The following HDAC8 variants were observed in gnomAD, a reference collection of about 807,000 sequenced individuals.
HDAC8 encodes histone deacetylase 8, also known as histone deacetylase-like 1.
In HDAC8, 1 loss-of-function variant was observed where a neutral mutation model predicts 32.2. That is an observed-to-expected ratio of 0.03 (90% CI 0.01 to 0.15). The LOEUF (loss-of-function observed/expected upper bound fraction) is 0.15, where lower values mean the gene tolerates loss of function less well. HDAC8 is among the 10% of genes least tolerant of loss of function. The pLI, the probability that HDAC8 is intolerant of heterozygous loss-of-function variation, is 1.00. For synonymous variants in HDAC8, 108 were observed against 113.9 expected (o/e 0.95, Z 0.33); for missense variants, 117 against 300.0 (o/e 0.39, Z 4.51).
chrX:72,347,449 C>T (rs2044061741), intron 10 of HDAC8, among the ~76,000 whole-genome samples: 1 of 111,763 alleles, frequency 8.9e-6, no homozygotes, highest in African/African-American at 3.3e-5. Context: ...GTGTTGAAAC[C>T]TCCAGTTACA....
At chrX:72,349,699 C>T (rs782347234) in intron 10 of HDAC8, among the ~76,000 whole-genome samples, 23 of 111,961 alleles carry the variant, frequency 2.1e-4, no homozygotes, top group African/African-American at 7.1e-4. Context: ...TACCTTTCCT[C>T]GTTCTCTTCC....
intron 10 of HDAC8, among the ~76,000 whole-genome samples, chrX:72,342,352 C>A (rs1056556152): frequency 9.8e-5 from 11 of 112,375 alleles, no homozygotes; most frequent in African/African-American, 3.6e-4. Flanking sequence ...GCAGCAGCTG[C>A]CCCTCAGTGG....
At chrX:72,440,616 G>A (rs931556045) in intron 9 of HDAC8, among the ~76,000 whole-genome samples, 3 of 112,072 alleles carry the variant, frequency 2.7e-5, no homozygotes, top group African/African-American at 9.7e-5. Flanking sequence ...GCAGAAGACG[G>A]GTGATTTCTG....
At chrX:72,560,001 C>T (rs1385242274) in intron 4 of HDAC8, among the ~76,000 whole-genome samples, 2 of 111,305 alleles carry the variant, frequency 1.8e-5, no homozygotes, top group African/African-American at 3.3e-5. Flanking sequence ...CGCCTCTGCC[C>T]GGCCGCCCCG....
intron 9 of HDAC8, among the ~76,000 whole-genome samples, chrX:72,430,348 A>AT (rs1391198666): frequency 8.9e-6 from 1 of 112,145 alleles, no homozygotes; most frequent in Non-Finnish European, 1.9e-5. Flanking sequence ...ATCACAAGTC[A>AT]TTTTCCTTAA....
At chrX:72,370,669 TTATTAAG>T (rs1446392125) in intron 9 of HDAC8, among the ~76,000 whole-genome samples, 1 of 111,874 alleles carries the variant, frequency 8.9e-6, no homozygotes, top group Non-Finnish European at 1.9e-5. Flanking sequence ...AAAGGGGAGT[TTATTAAG>T]TATTAACTCA....
At chrX:72,488,262 G>T (rs1556007160) in intron 7 of HDAC8, among the ~76,000 whole-genome samples, 1 of 110,915 alleles carries the variant, frequency 9.0e-6, no homozygotes, top group Admixed American at 9.6e-5. Flanking sequence ...ATGTTGACTG[G>T]CTGACTTCTA....
At chrX:72,363,522 T>C (rs1555953300) in intron 9 of HDAC8, among the ~76,000 whole-genome samples, 1 of 111,091 alleles carries the variant, frequency 9.0e-6, no homozygotes, top group African/African-American at 3.3e-5. Flanking sequence ...CACCTTGACC[T>C]CCTCATTTCT....
intron 4 of HDAC8, among the ~76,000 whole-genome samples, chrX:72,558,746 C>T (rs1346314966): frequency 3.6e-5 from 4 of 110,288 alleles, no homozygotes; most frequent in African/African-American, 1.3e-4. Flanking sequence ...TCAGAGCAAT[C>T]AGACAAGAGA....
In HDAC8 at chrX:72,464,543, C is replaced by A. The variant is rs1555993080; in HGVS notation, c.910+16G>T. On this transcript the variant is annotated intron_variant, in intron 8 of 10. Transcript: ENST00000373573. ...AGGAAGGTCAACAAATTCTGGTAAC[C>A]TTCCTTTATACTCACCTCCTCCCAA... 1 of 1,189,192 alleles carries A rather than the reference C, an allele frequency of 8.4e-7. No individual in the cohort carries two copies. The highest frequency in any genetic ancestry group is 2.2e-5 in the Admixed American group (1 of 45,644).
At chrX:72,520,827 A>T (rs1168350607) in intron 4 of HDAC8, among the ~76,000 whole-genome samples, 1 of 112,276 alleles carries the variant, frequency 8.9e-6, no homozygotes, top group Non-Finnish European at 1.9e-5. Flanking sequence ...TTTCATGATA[A>T]TGGCTTTCTG....
chrX:72,569,327 G>A (rs1231367736), intron 2 of HDAC8, among the ~76,000 whole-genome samples: 2 of 111,646 alleles, frequency 1.8e-5, no homozygotes, highest in Admixed American at 1.9e-4. Flanking sequence ...TGAATTTGGA[G>A]TCAGATTTGG....
intron 9 of HDAC8, among the ~76,000 whole-genome samples, chrX:72,412,552 G>T (rs1931883661): frequency 9.0e-6 from 1 of 111,473 alleles, no homozygotes; most frequent in African/African-American, 3.3e-5. Flanking sequence ...ATATCCTACA[G>T]GCACTTTGGG....
intron 4 of HDAC8, among the ~76,000 whole-genome samples, chrX:72,524,145 C>G (rs1272979901): frequency 8.9e-6 from 1 of 112,300 alleles, no homozygotes; most frequent in Non-Finnish European, 1.9e-5. Context: ...AAAATACTAG[C>G]TGGACCATTA....
rs1162239404 is a variant in HDAC8, at chrX:72,513,967, C to T, written c.438-18699G>A. Among the ~76,000 whole-genome samples, 3 of 112,008 alleles carry T rather than the reference C, an allele frequency of 2.7e-5. No homozygotes were observed. The Admixed American group carries it at 2.8e-4, about 11-fold the overall frequency. On this transcript the variant is annotated intron_variant, in intron 4 of 10. Transcript: ENST00000373573. ...TTTCTTTTAAGTGATAGATGAGAAA[C>T]TTTTCATTAAATAGGTCCAAAAATA...
At chrX:72,459,250 C>A (rs2047803137) in intron 9 of HDAC8, among the ~76,000 whole-genome samples, 1 of 111,198 alleles carries the variant, frequency 9.0e-6, no homozygotes, top group African/African-American at 3.3e-5. Context: ...TAAGGCCTGG[C>A]AAATAGTAGG....
intron 3 of HDAC8, 84 bp from the exon 4 acceptor site, chrX:72,568,114 C>T: frequency 1.1e-6 from 1 of 877,521 alleles, no homozygotes; most frequent in South Asian, 2.3e-5. Flanking sequence ...ACAACCTAAC[C>T]TACTAAAAAG....
chrX:72,560,565 T>TA (rs147846647), intron 4 of HDAC8, among the ~76,000 whole-genome samples: 845 of 35,191 alleles, frequency 0.024, 16 homozygotes, highest in Non-Finnish European at 0.03. Flanking sequence ...CAATAAATAC[T>TA]AAAAAAAAAA....
intron 7 of HDAC8, among the ~76,000 whole-genome samples, chrX:72,475,967 G>A (rs782053501): frequency 2.7e-5 from 3 of 110,952 alleles, no homozygotes; most frequent in Admixed American, 9.6e-5. Context: ...AGATTCTAAC[G>A]GGCATTCTAA....
Sources: gnomAD v4.1 joint callset for allele counts (sites outside exome capture counted in the v4.1 genomes callset) on GRCh38, gnomAD v4.1.1 for gene constraint, MANE v1.5 for transcripts, NCBI Gene and HGNC (gene_info 2026-07-23, HGNC 2026-07-21) for gene names.